The following EPHA4 variants were observed in gnomAD, a reference collection of about 807,000 sequenced individuals.
EPHA4 encodes the protein EPH receptor A4, also known as ephrin type-A receptor 4.
Under a neutral mutation model 108.3 loss-of-function variants are expected in EPHA4, and 19 were observed. The observed-to-expected ratio is 0.18, with a 90% CI of 0.12 to 0.26. The LOEUF (loss-of-function observed/expected upper bound fraction) is 0.26, where lower values mean the gene tolerates loss of function less well. EPHA4 is among the 10% of genes least tolerant of loss of function. The pLI, the probability that EPHA4 is intolerant of heterozygous loss-of-function variation, is 1.00. For synonymous variants in EPHA4, 449 were observed against 455.5 expected (o/e 0.99, Z 0.18); for missense variants, 917 against 1,254.0 (o/e 0.73, Z 4.06).
At chr2:221,429,509 T>C (rs915268893) in intron 15 of EPHA4, among the ~76,000 whole-genome samples, 1 of 152,164 alleles carries the variant, frequency 6.6e-6, no homozygotes, top group Admixed American at 6.5e-5. Context: ...TGAATCTCTT[T>C]CTTACAATTA....
In EPHA4 at chr2:221,459,214, C is replaced by A. The variant is rs1691062355; in HGVS notation, c.1319-1224G>T. Among the ~76,000 whole-genome samples the A allele has an allele frequency of 2.0e-5, 3 of 152,054 alleles. No homozygotes were observed. In the South Asian group the frequency reaches 6.2e-4, roughly 32 times the overall value. On this transcript the variant is annotated intron_variant, in intron 5 of 17. Coordinates refer to ENST00000281821, the MANE Select transcript of EPHA4 (RefSeq NM_004438.5). Reference sequence around the variant, plus strand: ...ACACAAGGGAGTCTTCCAGCTAAATCCAGTACGGTAGAGACTGTCTCCTGG... The same window carrying A: ...ACACAAGGGAGTCTTCCAGCTAAATACAGTACGGTAGAGACTGTCTCCTGG...
At chr2:221,510,943 T>C (rs1321856531) in intron 3 of EPHA4, among the ~76,000 whole-genome samples, 4 of 152,170 alleles carry the variant, frequency 2.6e-5, no homozygotes, top group Non-Finnish European at 5.9e-5. Context: ...TAAAAACAGC[T>C]CTGCTTCATA....
At chr2:221,432,764 G>A (rs1034901690) in intron 14 of EPHA4, among the ~76,000 whole-genome samples, 1 of 149,382 alleles carries the variant, frequency 6.7e-6, no homozygotes, top group Non-Finnish European at 1.5e-5. Flanking sequence ...CTACCTCAGC[G>A]TCCCGAGTAG....
Position 221,465,047 on chromosome 2 carries a change from ATT to A in EPHA4, c.1319-7059_1319-7058del, listed in dbSNP as rs3835971. On this transcript the variant is annotated intron_variant, in intron 5 of 17. Transcript: ENST00000281821. ...TAAATTTAGAATGTATGAGAGATGC[ATT>A]TTTTTTTTCCATAAAGTGATTTCCA... Among the ~76,000 whole-genome samples the A allele has an allele frequency of 2.3e-3, 347 of 150,026 alleles. 2 individuals carry two copies. The highest frequency in any genetic ancestry group is 8.2e-3 in the African/African-American group (338 of 40,990).
At chr2:221,455,718 G>T in intron 7 of EPHA4, 60 bp from the exon 8 acceptor site, 1 of 1,236,086 alleles carries the variant, frequency 8.1e-7, no homozygotes, top group Non-Finnish European at 1.2e-6. Flanking sequence ...TAGAACTTCT[G>T]AATGGGTCAC....
At chr2:221,464,330 T>C (rs3755032) in intron 5 of EPHA4, among the ~76,000 whole-genome samples, 4,562 of 152,318 alleles carry the variant, frequency 0.03, 136 homozygotes, top group East Asian at 0.081. Flanking sequence ...CTCAATTCAA[T>C]ACCCCAGCTC....
At chr2:221,515,583 G>C (rs1458255756) in intron 3 of EPHA4, among the ~76,000 whole-genome samples, 1 of 152,190 alleles carries the variant, frequency 6.6e-6, no homozygotes, top group Admixed American at 6.5e-5. Context: ...GGGAGGCTAA[G>C]ACAGGAACAC....
upstream of EPHA4, chr2:221,573,727 C>G (rs372846052): frequency 2.0e-5 from 3 of 152,346 alleles, no homozygotes; most frequent in East Asian, 5.8e-4. The surrounding 1 kb of genome is among the most constrained non-coding windows in gnomAD (Gnocchi z 4.5). Context: ...TGTGCGGCCC[C>G]GGAGGAAGGG....
chr2:221,556,708 TACCG>T (rs1307218307), intron 3 of EPHA4, among the ~76,000 whole-genome samples: 2 of 152,086 alleles, frequency 1.3e-5, no homozygotes, highest in African/African-American at 4.8e-5. Context: ...TGGTTTTGCC[TACCG>T]AAGGTACAGT....
chr2:221,529,160 A>G (rs953471340), intron 3 of EPHA4, among the ~76,000 whole-genome samples: 1 of 152,208 alleles, frequency 6.6e-6, no homozygotes, highest in Non-Finnish European at 1.5e-5. Flanking sequence ...TATAATTTAC[A>G]TACATGACAC....
chr2:221,438,254 A>G (rs2106101020), intron 11 of EPHA4, among the ~76,000 whole-genome samples: 1 of 152,236 alleles, frequency 6.6e-6, no homozygotes, highest in Middle Eastern at 3.4e-3. Context: ...AGATTTTCAC[A>G]AAAGTCCGCT....
intron 3 of EPHA4, among the ~76,000 whole-genome samples, chr2:221,504,713 C>T (rs1477968195): frequency 6.6e-6 from 1 of 151,998 alleles, no homozygotes; most frequent in Admixed American, 6.6e-5. Flanking sequence ...ATTGAGTATT[C>T]ATTGTTTATA....
chr2:221,475,222 G>T (rs1237580893), intron 5 of EPHA4, among the ~76,000 whole-genome samples: 2 of 152,126 alleles, frequency 1.3e-5, no homozygotes, highest in African/African-American at 4.8e-5. Flanking sequence ...TAGGACCTAG[G>T]CAATAGTGTG....
At chr2:221,486,778 T>TAATAATA (rs1559262345) in intron 4 of EPHA4, among the ~76,000 whole-genome samples, 1 of 129,068 alleles carries the variant, frequency 7.7e-6, no homozygotes, top group African/African-American at 2.8e-5. Context: ...TAATAATAAT[T>TAATAATA]GATGTCTTTA....
At position 221,426,134 on chromosome 2, in the gene EPHA4, G is replaced by A; in HGVS notation, c.2855C>T (p.Ala952Val). 1.2e-6 allele frequency: 2 copies of A among 1,613,898 alleles called. No homozygotes were observed. Among genetic ancestry groups the A allele is most frequent in the East Asian group, 4.5e-5 (2 of 44,864 alleles). Residue 952 changes from alanine (A) to valine (V), a missense_variant, in exon 17 of 18, where the codon GCA becomes GTA. Physicochemically the swap from Ala to Val is moderately conservative, Grantham distance 64. This residue lies in a region of EPHA4 where 133 missense variants were observed against 132.8 expected (regional missense o/e 1.00). Coordinates refer to ENST00000281821, the MANE Select transcript of EPHA4 (RefSeq NM_004438.5). ...AVVHVNQEDLARIGITAITHQ... is the reference protein window; with the variant it reads ...AVVHVNQEDLVRIGITAITHQ... Reference sequence around the variant, plus strand: ...CGTGATGGCTGTGATACCAATTCTTGCCAGGTCCCTGTACATAGGGCGACA... The same window carrying A: ...CGTGATGGCTGTGATACCAATTCTTACCAGGTCCCTGTACATAGGGCGACA...
At chr2:221,422,947 T>G (rs1336583012) in intron 17 of EPHA4, among the ~76,000 whole-genome samples, 1 of 152,246 alleles carries the variant, frequency 6.6e-6, no homozygotes, top group South Asian at 2.1e-4. Context: ...CACCATTGTA[T>G]AAATATGTAT....
At chr2:221,431,716 C>T (rs1690082268) in intron 14 of EPHA4, among the ~76,000 whole-genome samples, 1 of 152,122 alleles carries the variant, frequency 6.6e-6, no homozygotes, top group South Asian at 2.1e-4. Flanking sequence ...TGGGCTGATG[C>T]CAGCGGAACA....
At chr2:221,435,937 C>CA (rs11419419) in intron 13 of EPHA4, among the ~76,000 whole-genome samples, 80,377 of 137,844 alleles carry the variant, frequency 0.58, 22,573 homozygotes, top group East Asian at 0.8. Context: ...AAAACAACAA[C>CA]AAAAAAAAAA....
chr2:221,535,905 C>T (rs1693656075), intron 3 of EPHA4, among the ~76,000 whole-genome samples: 1 of 152,132 alleles, frequency 6.6e-6, no homozygotes, highest in South Asian at 2.1e-4. Flanking sequence ...GGGGTAGAGA[C>T]CAAACTCTTC....
Sources: allele counts gnomAD v4.1 joint callset (sites outside exome capture counted in the v4.1 genomes callset), GRCh38; gene constraint gnomAD v4.1.1; regional missense constraint gnomAD v4.1.1; non-coding constraint Gnocchi (gnomAD v3.1); transcripts MANE v1.5; gene names NCBI Gene and HGNC (gene_info 2026-07-23, HGNC 2026-07-21).